Variants in LRP1B observed in about 807,000 individuals in gnomAD.
The protein encoded by LRP1B is low-density lipoprotein receptor-related protein 1B.
A neutral mutation model predicts 556.6 loss-of-function variants in LRP1B; 217 were observed. The observed-to-expected ratio is 0.39, with a 90% CI of 0.35 to 0.44. LRP1B has a LOEUF of 0.44. LRP1B is among the 20% of genes least tolerant of loss of function. The probability of loss-of-function intolerance (pLI) is 1.00; values close to 1 mark genes in which losing one functional copy is unlikely to be tolerated. For synonymous variants in LRP1B, 2,047 were observed against 1,865.8 expected (o/e 1.10, Z -2.50); for missense variants, 5,053 against 5,620.8 (o/e 0.90, Z 3.23).
chr2:140,416,286 C>A (rs576932881), intron 66 of LRP1B, among the ~76,000 whole-genome samples: 1 of 152,060 alleles, frequency 6.6e-6, no homozygotes, highest in African/African-American at 2.4e-5. Flanking sequence ...GAGGATGATA[C>A]TAGAGCTGAT....
At chr2:141,230,453 G>T (rs546115419) in intron 5 of LRP1B, among the ~76,000 whole-genome samples, 124 of 152,184 alleles carry the variant, frequency 8.1e-4, no homozygotes, top group South Asian at 2.5e-3. Flanking sequence ...CAACACAACA[G>T]CCAGAGTTAT....
At chr2:141,435,346 C>T (rs1016652802) in intron 3 of LRP1B, among the ~76,000 whole-genome samples, 61 of 151,760 alleles carry the variant, frequency 4.0e-4, no homozygotes, top group Admixed American at 2.8e-3. Context: ...AATCTTCCCA[C>T]CCCAAGAGTT....
intron 32 of LRP1B, among the ~76,000 whole-genome samples, chr2:140,810,165 C>T (rs1424288800): frequency 6.6e-6 from 1 of 151,782 alleles, no homozygotes; most frequent in African/African-American, 2.4e-5. Context: ...AATTTATAAT[C>T]CTTGAGGTTT....
chr2:141,876,493 C>G (rs1406548194), intron 1 of LRP1B, among the ~76,000 whole-genome samples: 1 of 151,880 alleles, frequency 6.6e-6, no homozygotes, highest in Non-Finnish European at 1.5e-5. Context: ...TCAATTTACT[C>G]TTTCTGCATC....
intron 2 of LRP1B, among the ~76,000 whole-genome samples, chr2:141,792,067 G>C (rs1327650232): frequency 2.7e-5 from 4 of 150,022 alleles, no homozygotes; most frequent in Non-Finnish European, 5.9e-5. Context: ...TGGTATCAGT[G>C]CCGAATCCCA....
At chr2:140,318,647 T>G (rs1249660234) in intron 82 of LRP1B, among the ~76,000 whole-genome samples, 1 of 150,208 alleles carries the variant, frequency 6.7e-6, no homozygotes, top group Non-Finnish European at 1.5e-5. Context: ...GAAGCTAGAA[T>G]TTCCAATAAC....
At chr2:141,283,553 T>A (rs1441482451) in intron 3 of LRP1B, among the ~76,000 whole-genome samples, 1 of 150,986 alleles carries the variant, frequency 6.6e-6, no homozygotes, top group East Asian at 1.9e-4. Context: ...ATTAGACATG[T>A]AGGGGAAACG....
chr2:141,668,979 T>C (rs1318897358), intron 2 of LRP1B, among the ~76,000 whole-genome samples: 2 of 152,154 alleles, frequency 1.3e-5, no homozygotes, highest in Non-Finnish European at 2.9e-5. Flanking sequence ...CACGTCACAA[T>C]ACCCTTGTGA....
At chr2:141,802,699 T>C (rs578177813) in intron 2 of LRP1B, among the ~76,000 whole-genome samples, 2 of 152,276 alleles carry the variant, frequency 1.3e-5, no homozygotes, top group East Asian at 1.9e-4. Flanking sequence ...TAGCAAAATA[T>C]GTCATTTTAG....
At chr2:141,663,240 A>T (rs1029403721) in intron 2 of LRP1B, among the ~76,000 whole-genome samples, 3 of 152,190 alleles carry the variant, frequency 2.0e-5, no homozygotes, top group Non-Finnish European at 4.4e-5. Flanking sequence ...TGCTAGAAAG[A>T]TCTCAAGTAA....
intron 1 of LRP1B, among the ~76,000 whole-genome samples, chr2:142,125,604 C>A (rs756890474): frequency 6.6e-6 from 1 of 151,732 alleles, no homozygotes; most frequent in African/African-American, 2.4e-5. Context: ...TTTTAAAAAT[C>A]TCCATCCAAA....
intron 2 of LRP1B, among the ~76,000 whole-genome samples, chr2:141,799,702 C>T (rs181562658): frequency 6.6e-6 from 1 of 151,838 alleles, no homozygotes; most frequent in Non-Finnish European, 1.5e-5. Context: ...AAATGGGTTT[C>T]AACATGTTAA....
In LRP1B at chr2:140,912,965, A is replaced by T. The variant is rs571187861; in HGVS notation, c.3320-4888T>A. Reference sequence around the variant, plus strand: ...CTTGTTTTTAGTTTAATAAAAAGATAACAAATGTTGTAATGGGATAATTTC... The same window carrying T: ...CTTGTTTTTAGTTTAATAAAAAGATTACAAATGTTGTAATGGGATAATTTC... On this transcript the variant is annotated intron_variant, in intron 21 of 90. Coordinates refer to ENST00000389484, the MANE Select transcript of LRP1B (RefSeq NM_018557.3). Among the ~76,000 whole-genome samples the T allele has an allele frequency of 2.2e-3, 333 of 151,918 alleles. 2 individuals carry two copies. The highest frequency in any genetic ancestry group is 7.6e-3 in the African/African-American group (316 of 41,566).
chr2:140,402,278 C>A (rs566986162), intron 66 of LRP1B, among the ~76,000 whole-genome samples: 1 of 152,280 alleles, frequency 6.6e-6, no homozygotes, highest in African/African-American at 2.4e-5. Context: ...GACAAAATTG[C>A]AGTGCTGGGA....
intron 3 of LRP1B, among the ~76,000 whole-genome samples, chr2:141,421,612 T>G (rs1680147800): frequency 6.6e-6 from 1 of 152,210 alleles, no homozygotes; most frequent in South Asian, 2.1e-4. Context: ...AAAATGACAT[T>G]TAACCTACTC....
chr2:140,776,800 C>T (rs1385926), intron 32 of LRP1B, among the ~76,000 whole-genome samples: 129,713 of 152,028 alleles, frequency 0.85, 55,604 homozygotes, highest in East Asian at 1. Flanking sequence ...TCCAAAATTG[C>T]ATTAATTTAT....
At chr2:140,425,546 G>A (rs1215300247) in intron 66 of LRP1B, among the ~76,000 whole-genome samples, 5 of 152,102 alleles carry the variant, frequency 3.3e-5, no homozygotes, top group African/African-American at 9.7e-5. Context: ...GAGTAGCTGG[G>A]AATAAAGGTA....
intron 2 of LRP1B, 134 bp downstream of exon 2, chr2:141,810,143 AAG>A (rs1696303385): frequency 4.2e-6 from 2 of 473,020 alleles, no homozygotes; most frequent in East Asian, 3.5e-5. Flanking sequence ...GAAAGAAAGA[AAG>A]AAAGAAAGAA....
chr2:141,536,688 G>C (rs543903326), intron 2 of LRP1B, among the ~76,000 whole-genome samples: 117 of 152,118 alleles, frequency 7.7e-4, no homozygotes, highest in Admixed American at 2.2e-3. Flanking sequence ...AGCTTATTTT[G>C]AGACTCATAT....
Sources: gnomAD v4.1 joint callset for allele counts (sites outside exome capture counted in the v4.1 genomes callset) on GRCh38, gnomAD v4.1.1 for gene constraint, MANE v1.5 for transcripts, NCBI Gene and HGNC (gene_info 2026-07-23, HGNC 2026-07-21) for gene names.